Variants in PAX8 observed in about 807,000 individuals in gnomAD.
PAX8 encodes paired box 8.
PAX8 carries 15 observed loss-of-function variants against 52.4 expected under a neutral mutation model. The ratio of observed to expected loss-of-function variants is 0.29; its 90% CI spans 0.19 to 0.44. The LOEUF (loss-of-function observed/expected upper bound fraction) is 0.44. PAX8 is among the 20% of genes least tolerant of loss of function. The pLI, the probability that PAX8 is intolerant of heterozygous loss-of-function variation, is 1.00. For synonymous variants in PAX8, 284 were observed against 249.7 expected (o/e 1.14, Z -1.29); for missense variants, 554 against 602.5 (o/e 0.92, Z 0.84).
chr2:113,242,203 GT>G, intron 5 of PAX8, 73 bp from the exon 6 acceptor site: 1 of 1,368,798 alleles, frequency 7.3e-7, no homozygotes, highest in African/African-American at 1.4e-5. Context: ...CTCTGGGGTA[GT>G]TACAGTTGAG....
intron 9 of PAX8, among the ~76,000 whole-genome samples, chr2:113,229,450 A>C (rs1372023543): frequency 6.6e-6 from 1 of 152,234 alleles, no homozygotes; most frequent in Non-Finnish European, 1.5e-5. Context: ...ATCAGTGTTC[A>C]TTGTTTAAAA....
intron 4 of PAX8, among the ~76,000 whole-genome samples, chr2:113,243,384 C>CT (rs1364539153): frequency 1.2e-5 from 1 of 86,922 alleles, no homozygotes; most frequent in South Asian, 4.7e-4. Context: ...TACTGGTTTT[C>CT]TTTTCTTTCT....
intron 1 of PAX8, 49 bp from the exon 2 acceptor site, chr2:113,278,518 T>C (rs897863799): frequency 1.4e-6 from 2 of 1,435,640 alleles, no homozygotes; most frequent in Non-Finnish European, 1.9e-6. Flanking sequence ...ATTCGATGCC[T>C]GCATCCTCAG....
chr2:113,236,521 C>A, intron 8 of PAX8, 80 bp downstream of exon 8: 1 of 1,485,102 alleles, frequency 6.7e-7, no homozygotes, highest in East Asian at 2.5e-5. Flanking sequence ...AGGCCAGGGC[C>A]CCACACCTTC....
At chr2:113,278,553 TAC>T (rs965193602) in intron 1 of PAX8, 84 bp from the exon 2 acceptor site, 2 of 1,176,676 alleles carry the variant, frequency 1.7e-6, no homozygotes. Flanking sequence ...CCTCATCCTT[TAC>T]ACCTGCATCG....
intron 2 of PAX8, chr2:113,273,978 G>A (rs529899086): frequency 6.6e-6 from 1 of 152,310 alleles, no homozygotes; most frequent in African/African-American, 2.4e-5. Flanking sequence ...AAATTAACCT[G>A]ACAGGAACGC....
intron 2 of PAX8, among the ~76,000 whole-genome samples, chr2:113,258,615 G>A (rs1031151503): frequency 2.6e-5 from 4 of 152,172 alleles, no homozygotes; most frequent in African/African-American, 7.2e-5. Context: ...AAAGGCATTC[G>A]CAGCTCCGCT....
At chr2:113,236,754 C>T (rs1241654628) in intron 7 of PAX8, 33 bp from the exon 8 acceptor site, 6 of 1,544,618 alleles carry the variant, frequency 3.9e-6, no homozygotes, top group South Asian at 3.6e-5. Flanking sequence ...CGCACAGAGA[C>T]GATCCAACAA....
At position 113,277,947 on chromosome 2, in the gene PAX8, A is replaced by G. The variant is rs536025464; in HGVS notation, c.25+423T>C. Among the ~76,000 whole-genome samples the G allele has an allele frequency of 4.6e-4, 69 of 151,544 alleles. 1 individual carries two copies. Among genetic ancestry groups the G allele is most frequent in the East Asian group, 4.0e-4 (2 of 5,050 alleles). On this transcript the variant is annotated intron_variant, in intron 2 of 11. Transcript: ENST00000429538. Reference sequence around the variant, plus strand: ...AGCTCACAGTCCAGCCAGGGGAGTCACTGGGAAGGACTGCGCGCACCCGAG... The same window carrying G: ...AGCTCACAGTCCAGCCAGGGGAGTCGCTGGGAAGGACTGCGCGCACCCGAG...
intron 2 of PAX8, chr2:113,275,943 G>A (rs1693782257): frequency 6.6e-6 from 1 of 152,228 alleles, no homozygotes; most frequent in Non-Finnish European, 1.5e-5. Flanking sequence ...CTGGGCGGCG[G>A]AGGCCGCGCG....
chr2:113,241,880 A>T (rs1558714120), intron 6 of PAX8, 128 bp downstream of exon 6: 1 of 1,411,936 alleles, frequency 7.1e-7, no homozygotes, highest in East Asian at 2.4e-5. Flanking sequence ...GAGGGACAGG[A>T]CATGTGACAG....
chr2:113,233,682 A>AC, intron 9 of PAX8, among the ~76,000 whole-genome samples: 1 of 145,152 alleles, frequency 6.9e-6, no homozygotes, highest in East Asian at 1.9e-4. Context: ...CATCTCAAAA[A>AC]ACAAAAAAAC....
chr2:113,222,946 C>T (rs747153597), intron 10 of PAX8, among the ~76,000 whole-genome samples: 1 of 151,922 alleles, frequency 6.6e-6, no homozygotes. Context: ...GTTGTCTTTC[C>T]TACTCATTCT....
intron 2 of PAX8, among the ~76,000 whole-genome samples, chr2:113,247,797 A>G (rs536945535): frequency 6.6e-6 from 1 of 152,334 alleles, no homozygotes; most frequent in Admixed American, 6.5e-5. Context: ...GATGATGCCA[A>G]GGTGAATAAG....
chr2:113,236,463 C>G, intron 8 of PAX8, 138 bp downstream of exon 8: 1 of 948,470 alleles, frequency 1.1e-6, no homozygotes, highest in Non-Finnish European at 1.5e-6. Context: ...AGGCGCGACC[C>G]CTGGGCCCAC....
In PAX8 at chr2:113,244,471, G is replaced by A. The variant is rs772686587; in HGVS notation, c.345C>T (p.Gly115=). The change falls in exon 4 of 12, where the codon GGC becomes GGT. Residue 115 remains glycine (G), a synonymous_variant. Transcript: ENST00000429538. ...WEIRDRLLAE[G]VCDNDTVPSV... ...TGGGCACAGTGTCATTGTCACAGAC[G>A]CCCTCAGCCAGGAGCCGGTCTCGGA... is the stretch of plus-strand genomic sequence containing the variant. 1.1e-5 allele frequency: 18 copies of A among 1,613,892 alleles called. No individual in the cohort carries two copies. The highest frequency in any genetic ancestry group is 1.6e-4 in the Middle Eastern group (1 of 6,084).
At chr2:113,241,216 C>T in intron 7 of PAX8, 1 of 451,336 alleles carries the variant, frequency 2.2e-6, no homozygotes, top group Non-Finnish European at 4.1e-6. Context: ...TATGTGAAGG[C>T]TTTGTGCTAC....
At chr2:113,256,211 A>G (rs947268633) in intron 2 of PAX8, among the ~76,000 whole-genome samples, 2 of 152,344 alleles carry the variant, frequency 1.3e-5, no homozygotes, top group African/African-American at 2.4e-5. Flanking sequence ...GGGCTGTAAG[A>G]GCACAAAGGA....
intron 2 of PAX8, among the ~76,000 whole-genome samples, chr2:113,262,858 C>T (rs183960088): frequency 1.8e-4 from 28 of 152,332 alleles, no homozygotes; most frequent in African/African-American, 6.5e-4. Flanking sequence ...ACTCTTCTGA[C>T]CCCTTGATTT....
Sources: allele counts gnomAD v4.1 joint callset (sites outside exome capture counted in the v4.1 genomes callset), GRCh38; gene constraint gnomAD v4.1.1; transcripts MANE v1.5; gene names NCBI Gene and HGNC (gene_info 2026-07-23, HGNC 2026-07-21).